Variants in EPAS1 observed in about 807,000 individuals in gnomAD.
EPAS1 encodes endothelial PAS domain protein 1.
A neutral mutation model predicts 87.9 loss-of-function variants in EPAS1; 23 were observed. The ratio of observed to expected loss-of-function variants is 0.26; its 90% CI spans 0.19 to 0.37. The LOEUF is 0.37. Among genes scored for constraint, EPAS1 ranks in the 10% least tolerant of loss-of-function variants. The pLI is 1.00. For synonymous variants in EPAS1, 508 were observed against 444.3 expected (o/e 1.14, Z -1.80); for missense variants, 1,138 against 1,120.7 (o/e 1.02, Z -0.22).
intron 15 of EPAS1, 87 bp from the exon 16 acceptor site, chr2:46,384,422 A>C: frequency 1.3e-6 from 2 of 1,579,660 alleles, no homozygotes; most frequent in East Asian, 4.5e-5. Context: ...GGGCTGCTCT[A>C]TTGGTATCCC....
chr2:46,362,330 C>T (rs941025182), intron 6 of EPAS1, among the ~76,000 whole-genome samples: 2 of 152,228 alleles, frequency 1.3e-5, no homozygotes, highest in Admixed American at 6.5e-5. Context: ...TGTGCAAGCA[C>T]TTTGAGAAGT....
chr2:46,352,785 C>T (rs1684196019), intron 2 of EPAS1, among the ~76,000 whole-genome samples: 1 of 152,236 alleles, frequency 6.6e-6, no homozygotes, highest in Non-Finnish European at 1.5e-5. Flanking sequence ...GCTTCCTGGT[C>T]CTCCAGCCAT....
chr2:46,384,158 T>C (rs1359748761), intron 15 of EPAS1, among the ~76,000 whole-genome samples: 2 of 152,232 alleles, frequency 1.3e-5, no homozygotes, highest in African/African-American at 4.8e-5. Context: ...GTGTGTGTTC[T>C]GCATGTTCTG....
At chr2:46,309,081 C>T (rs1432233545) in intron 1 of EPAS1, among the ~76,000 whole-genome samples, 1 of 152,152 alleles carries the variant, frequency 6.6e-6, no homozygotes, top group African/African-American at 2.4e-5. Flanking sequence ...TCTTGAGGTG[C>T]TCAGTAATTA....
At chr2:46,327,824 A>C (rs1280109440) in intron 1 of EPAS1, among the ~76,000 whole-genome samples, 2 of 152,300 alleles carry the variant, frequency 1.3e-5, no homozygotes, top group Middle Eastern at 3.4e-3. Context: ...TGGTGGTCTC[A>C]GCCCCACCTC....
intron 1 of EPAS1, among the ~76,000 whole-genome samples, chr2:46,332,198 A>G (rs1248740782): frequency 6.6e-6 from 1 of 151,674 alleles, no homozygotes; most frequent in African/African-American, 2.4e-5. Context: ...TTTGACCAAA[A>G]TCTTATAAGA....
At chr2:46,306,519 C>T (rs952267607) in intron 1 of EPAS1, among the ~76,000 whole-genome samples, 1 of 152,198 alleles carries the variant, frequency 6.6e-6, no homozygotes, top group African/African-American at 2.4e-5. Context: ...CAGCCATTCT[C>T]ATTACTAATG....
rs1684708168 is a variant in EPAS1 at position 46,375,024 on chromosome 2, A to G, written c.887-666A>G. Among the ~76,000 whole-genome samples the G allele has an allele frequency of 6.6e-6, 1 of 152,086 alleles. No individual in the cohort carries two copies. Among genetic ancestry groups the G allele is most frequent in the East Asian group, 1.9e-4 (1 of 5,198 alleles). On this transcript the variant is annotated intron_variant, in intron 7 of 15. Transcript: ENST00000263734. This position sits in a 1 kb window ranked among gnomAD's most constrained non-coding sequence, Gnocchi z 4.1. ...CAGCTCTTTCTCAGCCCCAACTGAG[A>G]AAGGGTGGGGTGGTTTGCCTCTGCC...
intron 1 of EPAS1, among the ~76,000 whole-genome samples, chr2:46,327,985 C>CGTA (rs995680676): frequency 4.6e-5 from 7 of 152,218 alleles, no homozygotes; most frequent in African/African-American, 1.4e-4. Context: ...GGGGGCTACA[C>CGTA]GTACTCCCTC....
At chr2:46,366,914 G>T (rs1201142868) in intron 6 of EPAS1, among the ~76,000 whole-genome samples, 1 of 152,256 alleles carries the variant, frequency 6.6e-6, no homozygotes, top group Admixed American at 6.5e-5. Context: ...GCACGTGGGG[G>T]CGAATGACCA....
chr2:46,377,754 C>A, intron 9 of EPAS1, 140 bp from the exon 10 acceptor site: 2 of 1,392,360 alleles, frequency 1.4e-6, no homozygotes, highest in Non-Finnish European at 1.0e-6. Context: ...CCAGCTGAGC[C>A]CCAGGGTGTT....
At position 46,346,936 on chromosome 2, in the gene EPAS1, G is replaced by A. The variant is rs774946498; in HGVS notation, c.90G>A (p.Glu30=). 23 of 1,614,240 alleles carry A rather than the reference G, an allele frequency of 1.4e-5. No homozygotes were observed. Among genetic ancestry groups the A allele is most frequent in the Non-Finnish European group, 1.9e-5 (22 of 1,180,046 alleles). Residue 30 remains glutamate, a synonymous_variant, in exon 2 of 16, where the codon GAG becomes GAA. Coordinates refer to ENST00000263734, the MANE Select transcript of EPAS1 (RefSeq NM_001430.5). This position sits in a 1 kb window ranked among gnomAD's most constrained non-coding sequence, Gnocchi z 4.0. ...CTGCGCGGTGCCGGCGGAGCAAGGA[G>A]ACGGAGGTGTTCTATGAGCTGGCCC... The part of the protein sequence containing the change: ...RDAARCRRSK[E]TEVFYELAHE...
chr2:46,378,262 G>C (rs1572647748), intron 10 of EPAS1, among the ~76,000 whole-genome samples, 175 bp downstream of exon 10: 1 of 152,232 alleles, frequency 6.6e-6, no homozygotes, highest in African/African-American at 2.4e-5. Flanking sequence ...TCCTTTTAGT[G>C]TTCATCCCCC....
At chr2:46,355,258 A>G (rs111681406) in intron 2 of EPAS1, among the ~76,000 whole-genome samples, 69 of 152,358 alleles carry the variant, frequency 4.5e-4, no homozygotes, top group African/African-American at 1.6e-3. Flanking sequence ...TATCCTTACA[A>G]TTCAGAGATG....
At chr2:46,302,933 C>T (rs1408303483) in intron 1 of EPAS1, among the ~76,000 whole-genome samples, 4 of 151,956 alleles carry the variant, frequency 2.6e-5, no homozygotes, top group Non-Finnish European at 4.4e-5. Context: ...ATTAGCCAGG[C>T]GTGGTGGCGT....
intron 1 of EPAS1, among the ~76,000 whole-genome samples, chr2:46,340,540 C>A (rs183366712): frequency 1.2e-3 from 184 of 152,258 alleles, no homozygotes; most frequent in Non-Finnish European, 1.5e-3. Flanking sequence ...TTTTGATATA[C>A]TAGTGTGGAT....
chr2:46,383,036 C>T (rs13019414), intron 15 of EPAS1, among the ~76,000 whole-genome samples: 3 of 151,888 alleles, frequency 2.0e-5, no homozygotes, highest in Admixed American at 6.5e-5. Flanking sequence ...AGTTGGGAAG[C>T]GGTCTGGGCA....
intron 2 of EPAS1, among the ~76,000 whole-genome samples, chr2:46,354,625 A>G (rs991257727): frequency 6.6e-6 from 1 of 151,464 alleles, no homozygotes; most frequent in Non-Finnish European, 1.5e-5. Flanking sequence ...GCACCCAGCA[A>G]CCACCTGTAC....
At chr2:46,378,934 G>C (rs1169021052) in intron 11 of EPAS1, among the ~76,000 whole-genome samples, 167 bp downstream of exon 11, 2 of 152,206 alleles carry the variant, frequency 1.3e-5, no homozygotes, top group Non-Finnish European at 2.9e-5. Context: ...AATGGAGCCT[G>C]TGGTCACCCC....
Sources: allele counts gnomAD v4.1 joint callset (sites outside exome capture counted in the v4.1 genomes callset), GRCh38; gene constraint gnomAD v4.1.1; non-coding constraint Gnocchi (gnomAD v3.1); transcripts MANE v1.5; gene names NCBI Gene and HGNC (gene_info 2026-07-23, HGNC 2026-07-21).